SYN2: variants seen among roughly 807,000 people sequenced by gnomAD.
SYN2 encodes the protein synapsin II.
Under a neutral mutation model 50.9 loss-of-function variants are expected in SYN2, and 19 were observed. That is an observed-to-expected ratio of 0.37 (90% CI 0.26 to 0.55). The LOEUF is 0.55. Ranked by LOEUF, SYN2 falls within the 20% of genes least tolerant of loss-of-function variation. The pLI, the probability that SYN2 is intolerant of heterozygous loss-of-function variation, is 0.81. For missense variants in SYN2, 587 were observed against 576.4 expected, an observed-to-expected ratio of 1.02 and a Z score of -0.19; for synonymous variants, 255 against 224.9, an observed-to-expected ratio of 1.13 and a Z score of -1.20.
chr3:12,085,112 A>T (rs1162088901), intron 1 of SYN2, among the ~76,000 whole-genome samples: 1 of 1,496 alleles, frequency 6.7e-4, no homozygotes, highest in South Asian at 0.042. Flanking sequence ...ACTGGGTAAA[A>T]AAAAAAAAAA....
rs1332585527 is a variant in SYN2, at chr3:12,004,718, C to G, written c.167C>G (p.Pro56Arg). The G allele has an allele frequency of 1.1e-5, 2 of 179,456 alleles. No homozygotes were observed. Among genetic ancestry groups the G allele is most frequent in the East Asian group, 1.5e-4 (1 of 6,654 alleles). The allele number at this position is 179,456 out of a possible 1,614,324, so 11.1% of individuals were successfully genotyped here. The change falls in exon 1 of 13, where the codon CCG becomes CGG. Residue 56 changes from proline to arginine, a missense_variant. Transcript: ENST00000621198. ...SASAAPPTAS[P>R]GPERRPPPAS... is the part of the protein sequence containing the mutation. ...TCGGCGGCGCCCCCGACCGCCTCGC[C>G]GGGCCCGGAGCGGAGGCCGCCGCCC...
At chr3:12,056,856 T>A (rs1403617515) in intron 1 of SYN2, among the ~76,000 whole-genome samples, 1 of 152,190 alleles carries the variant, frequency 6.6e-6, no homozygotes, top group Non-Finnish European at 1.5e-5. Context: ...TCCTAAAAAG[T>A]TGTGTCCTTT....
chr3:12,009,315 C>T (rs1693868338), intron 1 of SYN2, among the ~76,000 whole-genome samples: 1 of 146,534 alleles, frequency 6.8e-6, no homozygotes, highest in Admixed American at 6.7e-5. Context: ...GAATCTAGAA[C>T]TTTAATCTCT....
intron 1 of SYN2, among the ~76,000 whole-genome samples, chr3:12,018,041 T>C (rs1694058908): frequency 6.6e-6 from 1 of 152,332 alleles, no homozygotes; most frequent in African/African-American, 2.4e-5. Context: ...ACTAATACTA[T>C]TCTCATTTTA....
At chr3:12,097,935 C>A (rs990749771) in intron 1 of SYN2, among the ~76,000 whole-genome samples, 5 of 152,022 alleles carry the variant, frequency 3.3e-5, no homozygotes, top group Admixed American at 1.3e-4. Context: ...AGCATACCAG[C>A]ATGGCACATG....
At chr3:12,051,193 T>A (rs1220963559) in intron 1 of SYN2, among the ~76,000 whole-genome samples, 1 of 152,178 alleles carries the variant, frequency 6.6e-6, no homozygotes, top group Admixed American at 6.5e-5. Flanking sequence ...GGACCTATTA[T>A]GAGGATAAAA....
At position 12,167,254 on chromosome 3, in the gene SYN2, A is replaced by G. The variant is rs1361841127; in HGVS notation, c.1001A>G (p.Asn334Ser). ...TGCAGGAGGACATCGATCTCAGGGA[A>G]CTGGAAGACGAACACTGGCTCTGCG... ...KAYMRTSISG[N>S]WKTNTGSAML... The change falls in exon 8 of 13, where the codon AAC becomes AGC. Residue 334 changes from asparagine to serine, a missense_variant. Coordinates refer to ENST00000621198, the MANE Select transcript of SYN2 (RefSeq NM_133625.6). 2.5e-6 allele frequency: 4 copies of G among 1,613,080 alleles called. No individual in the cohort carries two copies. The highest frequency in any genetic ancestry group is 3.4e-6 in the Non-Finnish European group (4 of 1,179,646).
intron 1 of SYN2, among the ~76,000 whole-genome samples, chr3:12,043,024 C>CT (rs761348593): frequency 0.019 from 2,745 of 145,528 alleles, 85 homozygotes; most frequent in African/African-American, 0.064. Flanking sequence ...TCTCTTTTCT[C>CT]TTTTTTTTTT....
chr3:12,097,029 A>G (rs941792378), intron 1 of SYN2, among the ~76,000 whole-genome samples: 2 of 152,182 alleles, frequency 1.3e-5, no homozygotes, highest in Non-Finnish European at 2.9e-5. Flanking sequence ...GAATTTATTC[A>G]TCCAGAGGTG....
chr3:12,013,945 A>G (rs561647189), intron 1 of SYN2, among the ~76,000 whole-genome samples: 5 of 152,226 alleles, frequency 3.3e-5, no homozygotes, highest in African/African-American at 9.6e-5. Context: ...GTCTGCTACT[A>G]CAGTTTCCCT....
chr3:12,048,796 G>T (rs1473849804), intron 1 of SYN2, among the ~76,000 whole-genome samples: 1 of 152,202 alleles, frequency 6.6e-6, no homozygotes, highest in Non-Finnish European at 1.5e-5. Context: ...AAGTCATGCA[G>T]CAGTAAATGG....
chr3:12,183,381 C>T lies in SYN2; in HGVS notation c.1369+9C>T. On this transcript the variant is annotated intron_variant, in intron 11 of 12. Coordinates refer to ENST00000621198, the MANE Select transcript of SYN2 (RefSeq NM_133625.6). ...GCGGCCACCCCCTCAAGGTTGTTTACAGTATATTCTCGACTGTAATGGCAT... is the reference window on the plus strand; with the variant it reads ...GCGGCCACCCCCTCAAGGTTGTTTATAGTATATTCTCGACTGTAATGGCAT... 3 of 1,613,852 alleles carry T rather than the reference C, an allele frequency of 1.9e-6. No homozygotes were observed. The highest frequency in any genetic ancestry group is 2.5e-6 in the Non-Finnish European group (3 of 1,179,848).
At chr3:12,034,201 G>A (rs1340934627) in intron 1 of SYN2, among the ~76,000 whole-genome samples, 1 of 152,020 alleles carries the variant, frequency 6.6e-6, no homozygotes, top group Admixed American at 6.6e-5. Context: ...GTTATTGTCT[G>A]GTTTTTTTAT....
chr3:12,170,204 G>A (rs573804183), intron 10 of SYN2, among the ~76,000 whole-genome samples: 5 of 152,276 alleles, frequency 3.3e-5, no homozygotes, highest in Non-Finnish European at 7.4e-5. Context: ...AGTTTCTCCT[G>A]GGACTCAGGA....
chr3:12,190,562 T>A lies in SYN2; in HGVS notation c.1686T>A (p.Asp562Glu). The change falls in exon 13 of 13, where the codon GAT becomes GAA. Residue 562 changes from aspartate (D) to glutamate (E), a missense_variant. Transcript: ENST00000621198. ...SSFFRSSANEDEAKAETIRSL... is the reference protein window; with the variant it reads ...SSFFRSSANEEEAKAETIRSL... Reference sequence around the variant, plus strand: ...TCTTCCGGTCTTCAGCCAATGAGGATGAAGCCAAAGCAGAGACCATCCGGA... The same window carrying A: ...TCTTCCGGTCTTCAGCCAATGAGGAAGAAGCCAAAGCAGAGACCATCCGGA... 1.2e-6 allele frequency: 2 copies of A among 1,613,418 alleles called. No individual in the cohort carries two copies. The highest frequency in any genetic ancestry group is 1.7e-6 in the Non-Finnish European group (2 of 1,179,568).
At chr3:12,111,713 C>A (rs1420259107) in intron 1 of SYN2, among the ~76,000 whole-genome samples, 4 of 152,104 alleles carry the variant, frequency 2.6e-5, no homozygotes, top group African/African-American at 9.7e-5. Flanking sequence ...ACTGGCTTAC[C>A]GAGTGGTTCT....
rs186256095 is a variant in SYN2 at position 12,190,439 on chromosome 3, C to T, written c.1614-51C>T. 1.3e-4 allele frequency: 205 copies of T among 1,605,312 alleles called. No individual in the cohort carries two copies. In the African/African-American group the frequency reaches 2.5e-3, roughly 20 times the overall value. ...ATCCTCACGTCACCGTCCTTCCCTG[C>T]CTTGCTGGGAACACCACCCTCTCAC... On this transcript the variant is annotated intron_variant, in intron 12 of 12. Transcript: ENST00000621198.
intron 1 of SYN2, among the ~76,000 whole-genome samples, chr3:12,061,386 G>T (rs1025205182): frequency 5.3e-5 from 8 of 151,956 alleles, no homozygotes; most frequent in African/African-American, 1.9e-4. Flanking sequence ...AGCAAACTAG[G>T]CATAAAGGTG....
At chr3:12,072,224 T>A (rs1279802806) in intron 1 of SYN2, among the ~76,000 whole-genome samples, 2 of 152,254 alleles carry the variant, frequency 1.3e-5, no homozygotes. Context: ...CTTTATATAT[T>A]CTGGATACCA....
Sources: gnomAD v4.1 joint callset for allele counts (sites outside exome capture counted in the v4.1 genomes callset) on GRCh38, gnomAD v4.1.1 for gene constraint, MANE v1.5 for transcripts, NCBI Gene and HGNC (gene_info 2026-07-23, HGNC 2026-07-21) for gene names.